Variants in AGMO observed in about 807,000 individuals in gnomAD.
AGMO encodes glyceryl-ether monooxygenase.
A neutral mutation model predicts 60.2 loss-of-function variants in AGMO; 75 were observed. The ratio of observed to expected loss-of-function variants is 1.25; its 90% confidence interval spans 1.03 to 1.51. AGMO has a LOEUF of 1.51. Among genes scored for constraint, AGMO ranks in the 40% most tolerant of loss-of-function variants. The pLI, the probability that AGMO is intolerant of heterozygous loss-of-function variation, is 0.00. For synonymous variants in AGMO, 261 were observed against 177.1 expected, an observed-to-expected ratio of 1.47 and a Z score of -3.76; for missense variants, 763 against 525.5, an observed-to-expected ratio of 1.45 and a Z score of -4.42.
In AGMO at chr7:15,262,681, T is replaced by C. The variant is rs569291382; in HGVS notation, c.1264-61322A>G. Among the ~76,000 whole-genome samples, 94 of 151,588 alleles carry C rather than the reference T, an allele frequency of 6.2e-4. 1 individual carries two copies. Among genetic ancestry groups the C allele is most frequent in the Middle Eastern group, 6.8e-3 (2 of 294 alleles). On this transcript the variant is annotated intron_variant, in intron 12 of 12. Transcript: ENST00000342526. ...AGCAAGACTAAGCAAAAAGAACAAA[T>C]CTGGAGGCATCACTTTACCTGATGT...
the AGMO span, among the ~76,000 whole-genome samples, chr7:15,177,218 T>C: frequency 6.6e-6 from 1 of 152,076 alleles, no homozygotes; most frequent in East Asian, 1.9e-4. Flanking sequence ...AGTCTTTGCA[T>C]TTGAAACATA....
chr7:15,267,146 CTTAG>C (rs1320726887), intron 12 of AGMO, among the ~76,000 whole-genome samples: 1 of 151,948 alleles, frequency 6.6e-6, no homozygotes, highest in Non-Finnish European at 1.5e-5. Flanking sequence ...TCCCTTGTGA[CTTAG>C]TTAAAAACAT....
chr7:15,363,340 A>T (rs1252998488), intron 12 of AGMO, among the ~76,000 whole-genome samples: 2 of 152,204 alleles, frequency 1.3e-5, no homozygotes, highest in East Asian at 3.9e-4. Context: ...ATAAAATAAC[A>T]GTAACAACAG....
At chr7:15,420,695 C>T (rs1289498736) in intron 4 of AGMO, among the ~76,000 whole-genome samples, 1 of 152,106 alleles carries the variant, frequency 6.6e-6, no homozygotes, top group Non-Finnish European at 1.5e-5. Context: ...AATTTAAAGG[C>T]CACTTCCATT....
At chr7:15,543,210 G>C (rs1784679876) in intron 3 of AGMO, among the ~76,000 whole-genome samples, 1 of 152,120 alleles carries the variant, frequency 6.6e-6, no homozygotes, top group Non-Finnish European at 1.5e-5. Context: ...CTCTTCAGTA[G>C]TTTTTCAAGA....
At chr7:15,243,388 A>G (rs1046452708) in intron 12 of AGMO, among the ~76,000 whole-genome samples, 3 of 151,886 alleles carry the variant, frequency 2.0e-5, no homozygotes, top group African/African-American at 7.2e-5. Flanking sequence ...CTTATGAGCT[A>G]GATGTTTTTT....
At chr7:15,240,301 C>A (rs929054351) in intron 12 of AGMO, among the ~76,000 whole-genome samples, 1 of 152,016 alleles carries the variant, frequency 6.6e-6, no homozygotes, top group Non-Finnish European at 1.5e-5. Context: ...AATATTAGAA[C>A]GTATACTAAA....
At chr7:15,400,274 AC>A (rs200591003) in intron 5 of AGMO, among the ~76,000 whole-genome samples, 4 of 151,528 alleles carry the variant, frequency 2.6e-5, no homozygotes, top group Non-Finnish European at 5.9e-5. Context: ...GATTATCACC[AC>A]CCCCCCAAGC....
the AGMO span, among the ~76,000 whole-genome samples, chr7:15,170,583 T>G: frequency 3.3e-5 from 5 of 152,198 alleles, no homozygotes; most frequent in Non-Finnish European, 7.3e-5. Context: ...TTTTAATTAG[T>G]TTAAATTTAC....
intron 12 of AGMO, among the ~76,000 whole-genome samples, chr7:15,314,324 C>T (rs1339788130): frequency 1.3e-5 from 2 of 152,058 alleles, no homozygotes; most frequent in African/African-American, 2.4e-5. Flanking sequence ...GAAAGCAAAG[C>T]TGCAGATAAG....
chr7:15,241,459 CAAAAAAA>C (rs61727790), intron 12 of AGMO, among the ~76,000 whole-genome samples: 2 of 51,358 alleles, frequency 3.9e-5, no homozygotes, highest in African/African-American at 8.3e-5. Context: ...GACTCCGTCT[CAAAAAAA>C]AAAAAAAAAA....
chr7:15,241,587 T>C (rs1328503379), intron 12 of AGMO, among the ~76,000 whole-genome samples: 3 of 149,650 alleles, frequency 2.0e-5, no homozygotes, highest in Non-Finnish European at 4.4e-5. Context: ...CTTCCCTCCA[T>C]CCTAGTAAAG....
intron 10 of AGMO, among the ~76,000 whole-genome samples, chr7:15,380,954 T>C (rs993049172): frequency 1.3e-5 from 2 of 152,138 alleles, no homozygotes; most frequent in African/African-American, 4.8e-5. Context: ...ATTCAATAAA[T>C]GGTGCTGGGA....
intron 5 of AGMO, among the ~76,000 whole-genome samples, chr7:15,412,108 GCTTT>G (rs1375046836): frequency 6.6e-6 from 1 of 151,958 alleles, no homozygotes; most frequent in Non-Finnish European, 1.5e-5. Flanking sequence ...GAAAACTTCT[GCTTT>G]CTATTATTTC....
the AGMO span, among the ~76,000 whole-genome samples, chr7:15,129,169 A>C: frequency 6.6e-6 from 1 of 152,020 alleles, no homozygotes; most frequent in Non-Finnish European, 1.5e-5. Context: ...TCAAAGTATG[A>C]TTGCTACATA....
intron 3 of AGMO, among the ~76,000 whole-genome samples, chr7:15,509,843 C>T (rs12699727): frequency 1.3e-5 from 2 of 151,898 alleles, no homozygotes. Flanking sequence ...CAGGTAAAAT[C>T]AAAAATGCAA....
chr7:15,500,401 T>A (rs550682835), intron 3 of AGMO, among the ~76,000 whole-genome samples: 59 of 151,970 alleles, frequency 3.9e-4, no homozygotes, highest in Non-Finnish European at 6.8e-4. Flanking sequence ...AATTTCTCAT[T>A]GTAAGTAAAA....
chr7:15,135,542 A>G, the AGMO span, among the ~76,000 whole-genome samples: 1 of 152,234 alleles, frequency 6.6e-6, no homozygotes, highest in Non-Finnish European at 1.5e-5. Flanking sequence ...AAAACTGCAT[A>G]TTTAAATCAC....
At chr7:15,157,572 C>T in the AGMO span, among the ~76,000 whole-genome samples, 1 of 152,154 alleles carries the variant, frequency 6.6e-6, no homozygotes, top group African/African-American at 2.4e-5. Context: ...ATCCCACACT[C>T]CCACCCCTGT....
Sources: allele counts gnomAD v4.1 joint callset (sites outside exome capture counted in the v4.1 genomes callset), GRCh38; gene constraint gnomAD v4.1.1; transcripts MANE v1.5; gene names NCBI Gene and HGNC (gene_info 2026-07-23, HGNC 2026-07-21).